GALNT13: variants seen among roughly 807,000 people sequenced by gnomAD.
GALNT13 encodes the protein polypeptide N-acetylgalactosaminyltransferase 13, also known as UDP-GalNAc:polypeptide N-acetylgalactosaminyltransferase 13.
GALNT13 carries 28 observed loss-of-function variants against 64.2 expected under a neutral mutation model. The ratio of observed to expected loss-of-function variants is 0.44; its 90% CI spans 0.32 to 0.60. The LOEUF is 0.60. Among genes scored for constraint, GALNT13 ranks in the 20% least tolerant of loss-of-function variants. The probability of loss-of-function intolerance (pLI) is 0.05; values close to 1 mark genes in which losing one functional copy is unlikely to be tolerated. For synonymous variants in GALNT13, 214 were observed against 224.6 expected (o/e 0.95, Z 0.42); for missense variants, 577 against 669.8 (o/e 0.86, Z 1.53).
chr2:154,304,470 T>A (rs966974783), intron 9 of GALNT13, among the ~76,000 whole-genome samples: 3 of 152,226 alleles, frequency 2.0e-5, no homozygotes, highest in Non-Finnish European at 4.4e-5. Context: ...TGTGATTGCA[T>A]GCAATGTACA....
At chr2:154,123,051 T>C (rs1682046327) in intron 3 of GALNT13, among the ~76,000 whole-genome samples, 1 of 151,966 alleles carries the variant, frequency 6.6e-6, no homozygotes, top group African/African-American at 2.4e-5. Context: ...ATTATTGAAG[T>C]ATAGAAGGAA....
chr2:153,988,649 A>T (rs761616150), intron 3 of GALNT13, among the ~76,000 whole-genome samples: 2 of 151,982 alleles, frequency 1.3e-5, no homozygotes, highest in Admixed American at 6.6e-5. Context: ...GACGGTGATT[A>T]TAAGTAGCTG....
chr2:154,315,801 T>C (rs1304146782), intron 9 of GALNT13, among the ~76,000 whole-genome samples: 1 of 152,202 alleles, frequency 6.6e-6, no homozygotes, highest in Non-Finnish European at 1.5e-5. Context: ...TTACATATAA[T>C]ATTTGCACAC....
chr2:154,123,712 T>A (rs899746972), intron 3 of GALNT13, among the ~76,000 whole-genome samples: 19 of 151,954 alleles, frequency 1.3e-4, no homozygotes, highest in Admixed American at 6.6e-4. Flanking sequence ...TGACTATTGA[T>A]ACTCTCAAAA....
intron 11 of GALNT13, chr2:154,436,593 C>A (rs1700985018): frequency 6.6e-6 from 1 of 152,134 alleles, no homozygotes; most frequent in African/African-American, 2.4e-5. Flanking sequence ...ATTTTCTTCT[C>A]TCAGCTTAAG....
intron 4 of GALNT13, among the ~76,000 whole-genome samples, chr2:154,192,157 C>T (rs1686625213): frequency 6.6e-6 from 1 of 152,210 alleles, no homozygotes; most frequent in Non-Finnish European, 1.5e-5. Context: ...TTGACGGTGC[C>T]TTTCAGTGTG....
chr2:154,435,403 T>C (rs1700913671), intron 11 of GALNT13, among the ~76,000 whole-genome samples: 1 of 152,140 alleles, frequency 6.6e-6, no homozygotes, highest in Non-Finnish European at 1.5e-5. Flanking sequence ...AGGCTGGGCC[T>C]TACACATACT....
intron 1 of GALNT13, among the ~76,000 whole-genome samples, chr2:153,898,046 T>G (rs1334229077): frequency 6.6e-6 from 1 of 152,058 alleles, no homozygotes; most frequent in East Asian, 1.9e-4. Context: ...TTTTTGTGAG[T>G]GATTTTCATG....
the GALNT13 span, among the ~76,000 whole-genome samples, chr2:153,452,163 C>T: frequency 6.6e-6 from 1 of 152,184 alleles, no homozygotes; most frequent in South Asian, 2.1e-4. Context: ...TAGAGAGCTT[C>T]CTTCCAACTG....
chr2:154,387,708 G>T (rs1698582162), intron 9 of GALNT13, among the ~76,000 whole-genome samples: 1 of 152,062 alleles, frequency 6.6e-6, no homozygotes, highest in South Asian at 2.1e-4. Flanking sequence ...ATTTCACTTA[G>T]CATAATGTCC....
At chr2:153,118,146 C>CACA in the GALNT13 span, among the ~76,000 whole-genome samples, 12 of 144,408 alleles carry the variant, frequency 8.3e-5, no homozygotes, top group Admixed American at 1.3e-4. Context: ...CACACACACA[C>CACA]CCCACATAAA....
chr2:154,175,277 T>C (rs1685583336), intron 4 of GALNT13, among the ~76,000 whole-genome samples: 2 of 152,160 alleles, frequency 1.3e-5, no homozygotes, highest in Non-Finnish European at 2.9e-5. Context: ...CATGACATAG[T>C]TAATCTGTTC....
At chr2:153,354,828 G>T in the GALNT13 span, among the ~76,000 whole-genome samples, 3 of 152,176 alleles carry the variant, frequency 2.0e-5, no homozygotes, top group African/African-American at 7.2e-5. Flanking sequence ...TCTCCTTAAG[G>T]ATTAAACCTG....
chr2:153,199,019 T>G, the GALNT13 span, among the ~76,000 whole-genome samples: 1 of 152,298 alleles, frequency 6.6e-6, no homozygotes, highest in East Asian at 1.9e-4. Flanking sequence ...ATGTGAGCCT[T>G]CATTCCTCTT....
In GALNT13 at chr2:154,263,955, C is replaced by T. The variant is rs112001538; in HGVS notation, c.975+4817C>T. On this transcript the variant is annotated intron_variant, in intron 8 of 12. Coordinates refer to ENST00000392825, the MANE Select transcript of GALNT13 (RefSeq NM_052917.4). ...AAGGAAAGCCTTACAATTGCCTCGG[C>T]TTACTGCCTTGTGAAAGTTTCTAGG... 7.4e-4 allele frequency among the ~76,000 whole-genome samples: 112 copies of T among 152,306 alleles called. 1 individual carries two copies. Among genetic ancestry groups the T allele is most frequent in the African/African-American group, 2.2e-3 (90 of 41,570 alleles).
chr2:153,104,959 A>C, the GALNT13 span, among the ~76,000 whole-genome samples: 1 of 151,576 alleles, frequency 6.6e-6, no homozygotes, highest in African/African-American at 2.4e-5. Context: ...ATATGTATAC[A>C]TGTGCCATGC....
At chr2:154,079,053 C>T (rs945377517) in intron 3 of GALNT13, among the ~76,000 whole-genome samples, 6 of 151,572 alleles carry the variant, frequency 4.0e-5, no homozygotes, top group Admixed American at 3.3e-4. Context: ...ATGATTACAA[C>T]TCATAACTGT....
At chr2:153,096,364 A>G in the GALNT13 span, among the ~76,000 whole-genome samples, 4 of 152,230 alleles carry the variant, frequency 2.6e-5, no homozygotes, top group Admixed American at 1.3e-4. Flanking sequence ...AAAATGTTCT[A>G]TAAATATCTA....
chr2:153,131,406 G>A, the GALNT13 span, among the ~76,000 whole-genome samples: 1 of 151,916 alleles, frequency 6.6e-6, no homozygotes, highest in Non-Finnish European at 1.5e-5. Context: ...ATTTTCTATG[G>A]GGAAGATGTT....
Sources: allele counts gnomAD v4.1 joint callset (sites outside exome capture counted in the v4.1 genomes callset), GRCh38; gene constraint gnomAD v4.1.1; transcripts MANE v1.5; gene names NCBI Gene and HGNC (gene_info 2026-07-23, HGNC 2026-07-21).